PTPN5: variants seen among roughly 807,000 people sequenced by gnomAD.
PTPN5 encodes the protein tyrosine-protein phosphatase non-receptor type 5.
A neutral mutation model predicts 73.9 loss-of-function variants in PTPN5; 29 were observed. The ratio of observed to expected loss-of-function variants is 0.39; its 90% CI spans 0.29 to 0.54. The LOEUF (loss-of-function observed/expected upper bound fraction) is 0.54, where lower values mean the gene tolerates loss of function less well. PTPN5 is among the 20% of genes least tolerant of loss of function. The pLI, the probability that PTPN5 is intolerant of heterozygous loss-of-function variation, is 0.65. For synonymous variants in PTPN5, 267 were observed against 304.7 expected, an observed-to-expected ratio of 0.88 and a Z score of 1.29; for missense variants, 652 against 751.4, an observed-to-expected ratio of 0.87 and a Z score of 1.55.
chr11:18,768,246 A>C (rs1373096683), intron 2 of PTPN5, among the ~76,000 whole-genome samples: 1 of 152,202 alleles, frequency 6.6e-6, no homozygotes, highest in Non-Finnish European at 1.5e-5. Flanking sequence ...GCTCTCCTCC[A>C]CAGCTGTTGT....
At chr11:18,767,295 CT>C (rs1850686417) in intron 2 of PTPN5, among the ~76,000 whole-genome samples, 1 of 152,180 alleles carries the variant, frequency 6.6e-6, no homozygotes, top group African/African-American at 2.4e-5. Context: ...CTGATATCTT[CT>C]TTTTCAACTG....
intron 1 of PTPN5, among the ~76,000 whole-genome samples, chr11:18,785,035 C>G (rs1281042522): frequency 2.0e-5 from 3 of 151,850 alleles, no homozygotes; most frequent in African/African-American, 7.3e-5. Context: ...TATATTTTTA[C>G]TAGGGACAGA....
chr11:18,742,333 A>T lies in PTPN5; in HGVS notation c.654T>A (p.Asp218Glu), dbSNP rs1849401195. 1 of 1,614,096 alleles carries T rather than the reference A, an allele frequency of 6.2e-7. No homozygotes were observed. The highest frequency in any genetic ancestry group is 1.3e-5 in the African/African-American group (1 of 74,992). Residue 218 changes from aspartate (D) to glutamate (E), a missense_variant, in exon 7 of 15, where the codon GAT becomes GAA. This residue lies in a region of PTPN5 where 529 missense variants were observed against 573.9 expected (regional missense o/e 0.92). Transcript: ENST00000358540. The surrounding 1 kb of genome is among the most constrained non-coding windows in gnomAD (Gnocchi z 4.1). ...CCTCAGGCTTGATGTCCATCACACAATCAAACACAGGAGTCTCGGGCACCG... is the reference window on the plus strand; with the variant it reads ...CCTCAGGCTTGATGTCCATCACACATTCAAACACAGGAGTCTCGGGCACCG... The part of the protein sequence containing the change: ...LDPVPETPVF[D>E]CVMDIKPEAD...
At position 18,737,916 on chromosome 11, in the gene PTPN5, G is replaced by A. The variant is rs569927881; in HGVS notation, c.964C>T (p.Leu322=). ...VDPKEYDIPG[L]VRKNRYKTIL... is the part of the protein sequence containing the mutation. ...GTTTTGTACCGGTTCTTCCGCACCA[G>A]CCCAGGGATGTCGTACTCTTTCGGA... The change falls in exon 9 of 15, where the codon CTG becomes TTG. Residue 322 remains leucine, a synonymous_variant. Transcript: ENST00000358540. 2 of 1,614,154 alleles carry A rather than the reference G, an allele frequency of 1.2e-6. No homozygotes were observed. Among genetic ancestry groups the A allele is most frequent in the South Asian group, 2.2e-5 (2 of 91,082 alleles).
rs1564910700 is a variant in PTPN5, at chr11:18,756,938, C to CAAA, written c.97+8866_97+8868dup. 3.3e-4 allele frequency among the ~76,000 whole-genome samples: 45 copies of CAAA among 138,146 alleles called. 1 individual carries two copies. The South Asian group carries it at 6.6e-3, about 20-fold the overall frequency. 90.6% of individuals were successfully genotyped at this position (138,146 alleles called of 152,430 possible). ...GACTCCATCAAAAAAAAAAAAAAAC[C>CAAA]AAAAAACAAAAACAAAACAAAAAGA... On this transcript the variant is annotated intron_variant, in intron 3 of 14. Transcript: ENST00000358540.
At chr11:18,775,371 GA>G (rs1156825084) in intron 1 of PTPN5, among the ~76,000 whole-genome samples, 1 of 152,204 alleles carries the variant, frequency 6.6e-6, no homozygotes, top group African/African-American at 2.4e-5. Context: ...TTACAGACGA[GA>G]AAACTAAGGC....
At chr11:18,765,007 T>C (rs1049215212) in intron 3 of PTPN5, among the ~76,000 whole-genome samples, 3 of 152,172 alleles carry the variant, frequency 2.0e-5, no homozygotes, top group East Asian at 1.9e-4. Flanking sequence ...CCACCGCACC[T>C]GGCCCAAAAG....
chr11:18,739,591 A>G (rs1354424862), intron 8 of PTPN5, among the ~76,000 whole-genome samples: 4 of 152,158 alleles, frequency 2.6e-5, no homozygotes, highest in Non-Finnish European at 4.4e-5. Context: ...TCAGATGATG[A>G]TGGAGGTCTT....
At chr11:18,748,930 C>T (rs759339581) in intron 3 of PTPN5, among the ~76,000 whole-genome samples, 21 of 152,128 alleles carry the variant, frequency 1.4e-4, no homozygotes, top group Non-Finnish European at 2.2e-4. Flanking sequence ...GTCCTAGGCC[C>T]GTTTGTTCTT....
At chr11:18,743,858 C>G in intron 4 of PTPN5, 148 bp downstream of exon 4, 1 of 914,162 alleles carries the variant, frequency 1.1e-6, no homozygotes, top group South Asian at 2.1e-5. Context: ...TCCCCTTATC[C>G]CAGCCTTGAG....
intron 3 of PTPN5, among the ~76,000 whole-genome samples, chr11:18,746,192 T>TATATATATATATAAATATAC (rs550537453): frequency 9.7e-6 from 1 of 102,820 alleles, no homozygotes; most frequent in Non-Finnish European, 2.1e-5. Context: ...TATATATATA[T>TATATATATATATAAATATAC]ACATTTTTTT....
Position 18,743,199 on chromosome 11 carries a change from G to T in PTPN5, c.399+123C>A. On this transcript the variant is annotated intron_variant, in intron 5 of 14. Transcript: ENST00000358540. The stretch of plus-strand genomic sequence containing the variant: ...GGTCTGGGATGGGGAGCAGGCAGAA[G>T]AACTTCAGGGGCTTGGAAGTATCTT... The T allele has an allele frequency of 2.4e-6, 3 of 1,233,094 alleles. No homozygotes were observed. The South Asian group carries it at 3.7e-5, about 15-fold the overall frequency. The allele number at this position is 1,233,094 out of a possible 1,614,324, so 76.4% of individuals were successfully genotyped here.
At chr11:18,741,645 C>T (rs1849369947) in intron 7 of PTPN5, among the ~76,000 whole-genome samples, 2 of 151,950 alleles carry the variant, frequency 1.3e-5, no homozygotes, top group Non-Finnish European at 2.9e-5. Context: ...ATGAGCTACC[C>T]TATAAAAACA....
At chr11:18,771,041 G>A (rs1850870093) in intron 2 of PTPN5, among the ~76,000 whole-genome samples, 1 of 152,178 alleles carries the variant, frequency 6.6e-6, no homozygotes, top group South Asian at 2.1e-4. Flanking sequence ...CTGGTTTGCT[G>A]AGCCAATCAG....
chr11:18,732,902 C>T (rs938465936), intron 11 of PTPN5, among the ~76,000 whole-genome samples, 200 bp from the exon 12 acceptor site: 2 of 152,236 alleles, frequency 1.3e-5, no homozygotes, highest in Non-Finnish European at 2.9e-5. Context: ...AACAGAAGTG[C>T]TACCCATCTG....
chr11:18,778,905 A>G (rs1228618131), intron 1 of PTPN5, among the ~76,000 whole-genome samples: 1 of 152,098 alleles, frequency 6.6e-6, no homozygotes, highest in African/African-American at 2.4e-5. Context: ...ACATTATTTC[A>G]TGCCTCTGGT....
At chr11:18,734,238 T>C (rs1287018124) in intron 9 of PTPN5, among the ~76,000 whole-genome samples, 4 of 152,230 alleles carry the variant, frequency 2.6e-5, no homozygotes, top group African/African-American at 9.6e-5. Flanking sequence ...ATGAAAACGA[T>C]AGTCTCCTCT....
chr11:18,732,636 CT>C lies in PTPN5; in HGVS notation c.1284del (p.Val429SerfsTer23), dbSNP rs1466016655. On this transcript the variant is annotated frameshift_variant, in exon 12 of 15. Transcript: ENST00000358540. LOFTEE classifies it high-confidence loss of function. ...AYDGVEITVQ[K>X]VIHTEDYRLR... ...AGCCGGTAATCCTCCGTGTGAATGACTTTCTGCACAGTGATCTCAACACCGT... is the reference window on the plus strand; with the variant it reads ...AGCCGGTAATCCTCCGTGTGAATGACTTCTGCACAGTGATCTCAACACCGT... 6.2e-7 allele frequency: 1 copy of C among 1,613,946 alleles called. No individual in the cohort carries two copies. The highest frequency in any genetic ancestry group is 8.5e-7 in the Non-Finnish European group (1 of 1,180,048).
At chr11:18,776,355 C>T (rs1851155349) in intron 1 of PTPN5, among the ~76,000 whole-genome samples, 1 of 152,020 alleles carries the variant, frequency 6.6e-6, no homozygotes, top group South Asian at 2.1e-4. Context: ...TCAAATGTCA[C>T]CTCCTCAATA....
Sources: gnomAD v4.1 joint callset for allele counts (sites outside exome capture counted in the v4.1 genomes callset) on GRCh38, gnomAD v4.1.1 for gene constraint, gnomAD v4.1.1 regional missense constraint, Gnocchi (gnomAD v3.1) non-coding constraint, MANE v1.5 for transcripts, NCBI Gene and HGNC (gene_info 2026-07-23, HGNC 2026-07-21) for gene names.